The following PTPRZ1 variants were observed in gnomAD, a reference collection of about 807,000 sequenced individuals.
The protein encoded by PTPRZ1 is protein tyrosine phosphatase receptor type Z1.
PTPRZ1 carries 82 observed loss-of-function variants against 214.1 expected under a neutral mutation model. The ratio of observed to expected loss-of-function variants is 0.38; its 90% CI spans 0.32 to 0.46. The LOEUF (loss-of-function observed/expected upper bound fraction) is 0.46, where lower values mean the gene tolerates loss of function less well. Ranked by LOEUF, PTPRZ1 falls within the 20% of genes least tolerant of loss-of-function variation. The pLI, the probability that PTPRZ1 is intolerant of heterozygous loss-of-function variation, is 1.00. For synonymous variants in PTPRZ1, 945 were observed against 987.9 expected (o/e 0.96, Z 0.81); for missense variants, 2,603 against 2,748.7 (o/e 0.95, Z 1.19).
At chr7:121,880,450 C>T (rs1304693647) in intron 1 of PTPRZ1, among the ~76,000 whole-genome samples, 3 of 152,152 alleles carry the variant, frequency 2.0e-5, no homozygotes, top group African/African-American at 7.2e-5. Flanking sequence ...TCCCCTTTAG[C>T]ACTTACTGGA....
intron 2 of PTPRZ1, among the ~76,000 whole-genome samples, chr7:121,958,297 C>T (rs553889136): frequency 1.3e-5 from 2 of 152,288 alleles, no homozygotes; most frequent in Admixed American, 1.3e-4. Flanking sequence ...GACACTTAGA[C>T]GGTCTCTGCT....
chr7:121,963,338 A>G (rs962403177), intron 2 of PTPRZ1, among the ~76,000 whole-genome samples: 1 of 152,164 alleles, frequency 6.6e-6, no homozygotes, highest in Non-Finnish European at 1.5e-5. Flanking sequence ...CACTAGGGAG[A>G]CACCCTTTTA....
Position 122,058,996 on chromosome 7 carries a change from A to G in PTPRZ1, c.6671+54A>G, listed in dbSNP as rs1043956201. 1.2e-5 allele frequency: 17 copies of G among 1,472,324 alleles called. No homozygotes were observed. The African/African-American group carries it at 2.1e-4, about 18-fold the overall frequency. 91.2% of individuals were successfully genotyped at this position (1,472,324 alleles called of 1,614,324 possible). A position where few individuals can be genotyped will look rare whatever the true frequency, so the allele number is the denominator to read the frequency against. On this transcript the variant is annotated intron_variant, in intron 28 of 29. Transcript: ENST00000393386. ...ACCTGCACATTTTCTGGGCATATGT[A>G]TATTTCTGTTGTCTTCAGACAAACC...
At position 122,010,577 on chromosome 7, in the gene PTPRZ1, G is replaced by T; in HGVS notation, c.1531G>T (p.Ala511Ser). 6.2e-7 allele frequency: 1 copy of T among 1,613,488 alleles called. No individual in the cohort carries two copies. The highest frequency in any genetic ancestry group is 1.1e-5 in the South Asian group (1 of 91,066). Reference sequence around the variant, plus strand: ...CACTTCCCAACCAGTCACTAAATTAGCCACAGAAAAAGATATTTCCTTGAC... The same window carrying T: ...CACTTCCCAACCAGTCACTAAATTATCCACAGAAAAAGATATTTCCTTGAC... ...NSTSQPVTKL[A>S]TEKDISLTSQ... The change falls in exon 12 of 30, where the codon GCC becomes TCC. Residue 511 changes from alanine (A) to serine (S), a missense_variant. Coordinates refer to ENST00000393386, the MANE Select transcript of PTPRZ1 (RefSeq NM_002851.3).
At chr7:121,943,123 C>T (rs1435179375) in intron 2 of PTPRZ1, among the ~76,000 whole-genome samples, 1 of 152,062 alleles carries the variant, frequency 6.6e-6, no homozygotes, top group Non-Finnish European at 1.5e-5. Context: ...TATGTGAAGA[C>T]ACATCAAATA....
In PTPRZ1 at chr7:122,055,264, TA is replaced by T. The variant is rs1792313937; in HGVS notation, c.6528+180del. ...CATTTTCAAAATGATATAGAATCAT[TA>T]AACAATTAGTCATCACTACGTCATT... is the stretch of plus-strand genomic sequence containing the variant. On this transcript the variant is annotated intron_variant, in intron 27 of 29. Coordinates refer to ENST00000393386, the MANE Select transcript of PTPRZ1 (RefSeq NM_002851.3). 3.3e-5 allele frequency among the ~76,000 whole-genome samples: 5 copies of T among 152,096 alleles called. No individual in the cohort carries two copies. In the South Asian group the frequency reaches 1.0e-3, roughly 32 times the overall value.
intron 1 of PTPRZ1, among the ~76,000 whole-genome samples, chr7:121,886,321 A>T (rs906154029): frequency 3.3e-5 from 5 of 152,108 alleles, no homozygotes; most frequent in Non-Finnish European, 5.9e-5. Context: ...TAATCCTCAC[A>T]GGTTCTTTAT....
intron 1 of PTPRZ1, among the ~76,000 whole-genome samples, chr7:121,874,375 G>A (rs1793987477): frequency 6.6e-6 from 1 of 152,198 alleles, no homozygotes; most frequent in Non-Finnish European, 1.5e-5. Flanking sequence ...TTCGAGAAGT[G>A]CAAGATTGGA....
At chr7:121,949,740 ATAAC>A (rs1417953414) in intron 2 of PTPRZ1, among the ~76,000 whole-genome samples, 1 of 152,222 alleles carries the variant, frequency 6.6e-6, no homozygotes, top group Non-Finnish European at 1.5e-5. Flanking sequence ...ATATGGAAAA[ATAAC>A]TAAGCATTTT....
Position 122,040,866 on chromosome 7 carries a change from C to T in PTPRZ1, c.5688C>T (p.Tyr1896=), listed in dbSNP as rs763512331. 6.2e-7 allele frequency: 1 copy of T among 1,605,422 alleles called. No individual in the cohort carries two copies. The highest frequency in any genetic ancestry group is 1.3e-5 in the African/African-American group (1 of 74,808). The change falls in exon 21 of 30, where the codon TAC becomes TAT. Residue 1896 remains tyrosine, a synonymous_variant. Coordinates refer to ENST00000393386, the MANE Select transcript of PTPRZ1 (RefSeq NM_002851.3). Reference sequence around the variant, plus strand: ...GACGTGTGGTCACACAGTATCACTACACGCAGTGGCCTGACATGGGAGTAC... The same window carrying T: ...GACGTGTGGTCACACAGTATCACTATACGCAGTGGCCTGACATGGGAGTAC... ...PSGRVVTQYH[Y]TQWPDMGVPE...
At chr7:122,029,608 C>T (rs1799313953) in intron 14 of PTPRZ1, among the ~76,000 whole-genome samples, 1 of 151,902 alleles carries the variant, frequency 6.6e-6, no homozygotes, top group Non-Finnish European at 1.5e-5. Context: ...AATTCTCTGA[C>T]TGATGCTCCA....
chr7:121,900,836 A>G (rs1794934393), intron 1 of PTPRZ1, among the ~76,000 whole-genome samples: 1 of 152,198 alleles, frequency 6.6e-6, no homozygotes, highest in Non-Finnish European at 1.5e-5. Flanking sequence ...TCTACCTTCA[A>G]AGTCTAATAA....
intron 11 of PTPRZ1, 33 bp downstream of exon 11, chr7:122,004,693 A>T: frequency 8.5e-7 from 1 of 1,183,040 alleles, no homozygotes; most frequent in Non-Finnish European, 1.2e-6. Context: ...CAAATGTTTT[A>T]ATATTAAATG....
At position 122,053,948 on chromosome 7, in the gene PTPRZ1, C is replaced by A; in HGVS notation, c.6291C>A (p.His2097Gln). Residue 2097 changes from histidine to glutamine, a missense_variant, in exon 26 of 30, where the codon CAC (histidine) becomes CAA (glutamine). This residue lies in a region of PTPRZ1 where 134 missense variants were observed against 183.3 expected (regional missense o/e 0.73). Transcript: ENST00000393386. ...YQSNEFIITQ[H>Q]PLLHTIKDFW... Reference sequence around the variant, plus strand: ...GCAATGAATTCATCATTACCCAGCACCCTCTCCTTCATACCATCAAGGATT... The same window carrying A: ...GCAATGAATTCATCATTACCCAGCAACCTCTCCTTCATACCATCAAGGATT... 1 of 1,613,184 alleles carries A rather than the reference C, an allele frequency of 6.2e-7. No homozygotes were observed. Among genetic ancestry groups the A allele is most frequent in the Non-Finnish European group, 8.5e-7 (1 of 1,179,362 alleles).
At chr7:121,893,980 A>T (rs1311260387) in intron 1 of PTPRZ1, among the ~76,000 whole-genome samples, 2 of 152,206 alleles carry the variant, frequency 1.3e-5, no homozygotes, top group Non-Finnish European at 2.9e-5. Context: ...GAACAACCCG[A>T]TCGTGTGCAC....
In PTPRZ1 at chr7:121,889,768, T is replaced by C. The variant is rs925659212; in HGVS notation, c.58+16211T>C. 2.0e-5 allele frequency among the ~76,000 whole-genome samples: 3 copies of C among 152,162 alleles called. No homozygotes were observed. The South Asian group carries it at 6.2e-4, about 32-fold the overall frequency. ...CCCACCATTCCAAAACAAAAAAAAA[T>C]ACCTTATCAGTCTCACCAGTGCCTT... On this transcript the variant is annotated intron_variant, in intron 1 of 29. Coordinates refer to ENST00000393386, the MANE Select transcript of PTPRZ1 (RefSeq NM_002851.3).
chr7:122,033,953 G>A (rs913082297), intron 15 of PTPRZ1, 142 bp from the exon 16 acceptor site: 1 of 685,954 alleles, frequency 1.5e-6, no homozygotes, highest in Non-Finnish European at 2.5e-6. Context: ...GAAACATTCT[G>A]TTGTGTTAGT....
chr7:121,978,710 A>C (rs1425297222), intron 6 of PTPRZ1, among the ~76,000 whole-genome samples: 2 of 152,150 alleles, frequency 1.3e-5, no homozygotes, highest in African/African-American at 4.8e-5. Flanking sequence ...TATCACCACT[A>C]TTTGTGCACC....
chr7:122,035,382 T>C (rs1393586941), intron 17 of PTPRZ1, among the ~76,000 whole-genome samples: 1 of 152,202 alleles, frequency 6.6e-6, no homozygotes, highest in Non-Finnish European at 1.5e-5. Context: ...TAAAACTCAC[T>C]TGCTTCTTGA....
Sources: allele counts gnomAD v4.1 joint callset (sites outside exome capture counted in the v4.1 genomes callset), GRCh38; gene constraint gnomAD v4.1.1; regional missense constraint gnomAD v4.1.1; transcripts MANE v1.5; gene names NCBI Gene and HGNC (gene_info 2026-07-23, HGNC 2026-07-21).